The following NPIPA6 variants were observed in gnomAD, a reference collection of about 807,000 sequenced individuals.
NPIPA6 encodes the protein nuclear pore complex-interacting protein family member A6.
At chr16:16,342,798 CATT>C in the NPIPA6 span, among the ~76,000 whole-genome samples, 832 of 47,058 alleles carry the variant, frequency 0.018, 3 homozygotes, top group African/African-American at 0.078. Context: ...GGAATTCAGT[CATT>C]AGTGAGAATG....
chr16:16,343,653 C>T, the NPIPA6 span, among the ~76,000 whole-genome samples: 1 of 125,498 alleles, frequency 8.0e-6, no homozygotes, highest in African/African-American at 3.3e-5. Flanking sequence ...GCCTCGGCCT[C>T]CCAAAGTGCT....
chr16:16,336,835 C>G, the NPIPA6 span: 2 of 7,788 alleles, frequency 2.6e-4, no homozygotes, highest in South Asian at 1.7e-3. Flanking sequence ...AGCCATCAGT[C>G]CACCTGTGTG....
At chr16:16,343,712 GTTGTGT>G in the NPIPA6 span, among the ~76,000 whole-genome samples, 1 of 103,464 alleles carries the variant, frequency 9.7e-6, no homozygotes, top group Non-Finnish European at 1.9e-5. Context: ...ATTCTTGTGT[GTTGTGT>G]GTGTGTGTGT....
At chr16:16,344,150 G>A in the NPIPA6 span, 1 of 37,704 alleles carries the variant, frequency 2.7e-5, no homozygotes, top group Non-Finnish European at 4.3e-5. Flanking sequence ...GGAAGGTATG[G>A]CTCTGTTGGA....
chr16:16,343,604 G>T, the NPIPA6 span, among the ~76,000 whole-genome samples: 2 of 119,582 alleles, frequency 1.7e-5, no homozygotes, highest in Non-Finnish European at 3.4e-5. Context: ...CCATGTTGGT[G>T]AGGCTGGTCT....
chr16:16,343,823 C>T, the NPIPA6 span, among the ~76,000 whole-genome samples: 1 of 48,962 alleles, frequency 2.0e-5, no homozygotes, highest in African/African-American at 9.2e-5. Flanking sequence ...CAGCTTCAAA[C>T]GGTTCTCTGC....
At chr16:16,343,396 ATTT>A in the NPIPA6 span, among the ~76,000 whole-genome samples, 4 of 32,492 alleles carry the variant, frequency 1.2e-4, no homozygotes, top group African/African-American at 7.1e-4. Flanking sequence ...TGGCCTATAT[ATTT>A]TTTTTTTTTT....
the NPIPA6 span, among the ~76,000 whole-genome samples, chr16:16,337,808 G>T: frequency 7.6e-6 from 1 of 132,426 alleles, no homozygotes; most frequent in Admixed American, 7.7e-5. Flanking sequence ...ATGTTGGTCC[G>T]GCTGGTTTTG....
At chr16:16,334,198 A>AC in the NPIPA6 span, 2 of 823,888 alleles carry the variant, frequency 2.4e-6, no homozygotes, top group Non-Finnish European at 3.6e-6. Context: ...CTGCGGCACG[A>AC]CCCCCACTTA....
the NPIPA6 span, among the ~76,000 whole-genome samples, chr16:16,342,955 CAGAG>C: frequency 7.2e-5 from 4 of 55,696 alleles, no homozygotes; most frequent in African/African-American, 1.4e-4. Flanking sequence ...TTCTAGAACT[CAGAG>C]AGCTGAAGGT....
chr16:16,343,720 T>C, the NPIPA6 span, among the ~76,000 whole-genome samples: 2 of 78,074 alleles, frequency 2.6e-5, no homozygotes, highest in Non-Finnish European at 5.0e-5. Flanking sequence ...GTGTTGTGTG[T>C]GTGTGTGTGT....
chr16:16,338,375 C>T, the NPIPA6 span, among the ~76,000 whole-genome samples: 1 of 123,466 alleles, frequency 8.1e-6, no homozygotes. Flanking sequence ...ATGATCTCCA[C>T]CTTGGTAATT....
chr16:16,337,226 C>A, the NPIPA6 span, among the ~76,000 whole-genome samples: 1 of 108,002 alleles, frequency 9.3e-6, no homozygotes, highest in South Asian at 3.1e-4. Context: ...GGTTTGATGA[C>A]TTTTTTTTTT....
At chr16:16,343,713 TTGTGTGTGTGTGTGTG>T in the NPIPA6 span, among the ~76,000 whole-genome samples, 1 of 81,506 alleles carries the variant, frequency 1.2e-5, no homozygotes. Flanking sequence ...TTCTTGTGTG[TTGTGTGTGTGTGTGTG>T]TGTGTGTGTG....
the NPIPA6 span, among the ~76,000 whole-genome samples, chr16:16,336,346 C>A: frequency 3.5e-5 from 1 of 28,864 alleles, no homozygotes; most frequent in Non-Finnish European, 7.2e-5. Flanking sequence ...GAAAGCAGAA[C>A]CTTTGTCTCC....
At chr16:16,343,907 A>AT in the NPIPA6 span, 2 of 18,922 alleles carry the variant, frequency 1.1e-4, no homozygotes, top group Non-Finnish European at 1.8e-4. Flanking sequence ...TTTAGTAGAG[A>AT]TGGGGTTTCA....
At chr16:16,338,314 G>A in the NPIPA6 span, among the ~76,000 whole-genome samples, 5 of 92,876 alleles carry the variant, frequency 5.4e-5, no homozygotes, top group African/African-American at 2.1e-4. Flanking sequence ...GAGTCTAATG[G>A]AATTAATATC....
the NPIPA6 span, chr16:16,348,947 G>A: frequency 7.4e-7 from 1 of 1,345,084 alleles, no homozygotes; most frequent in South Asian, 1.3e-5. Context: ...AATATTCTAA[G>A]TATCAGAGGT....
chr16:16,343,707 TG>T, the NPIPA6 span, among the ~76,000 whole-genome samples: 2 of 105,670 alleles, frequency 1.9e-5, no homozygotes, highest in Non-Finnish European at 3.8e-5. Context: ...ATGTCATTCT[TG>T]TGTGTTGTGT....
Sources: gnomAD v4.1 joint callset for allele counts (sites outside exome capture counted in the v4.1 genomes callset) on GRCh38, gnomAD v4.1.1 for gene constraint, MANE v1.5 for transcripts, NCBI Gene and HGNC (gene_info 2026-07-23, HGNC 2026-07-21) for gene names.